SLC22A14: variants seen among roughly 807,000 people sequenced by gnomAD.
The protein encoded by SLC22A14 is solute carrier family 22 member 14, also known as organic cation transporter-like 4.
A neutral mutation model predicts 53.9 loss-of-function variants in SLC22A14; 50 were observed. The observed-to-expected ratio is 0.93, with a 90% CI of 0.74 to 1.17. SLC22A14 has a LOEUF of 1.17. Among genes scored for constraint, SLC22A14 ranks in the 50% most tolerant of loss-of-function variants. SLC22A14 has a pLI of 0.00. For synonymous variants in SLC22A14, 312 were observed against 303.0 expected (o/e 1.03, Z -0.31); for missense variants, 671 against 734.7 (o/e 0.91, Z 1.00).
At chr3:38,298,759 T>G (rs1271388399) in intron 1 of SLC22A14, among the ~76,000 whole-genome samples, 1 of 152,204 alleles carries the variant, frequency 6.6e-6, no homozygotes, top group Admixed American at 6.5e-5. Context: ...TTTCAACATG[T>G]TGGCCAGGCT....
chr3:38,304,442 C>T (rs1021508098), intron 1 of SLC22A14, among the ~76,000 whole-genome samples: 11 of 152,022 alleles, frequency 7.2e-5, no homozygotes, highest in Non-Finnish European at 1.2e-4. Flanking sequence ...GGCTGGAGTG[C>T]GGTGGCGTGA....
Position 38,313,380 on chromosome 3 carries a change from T to G in SLC22A14, c.1066-8T>G. 1 of 1,609,056 alleles carries G rather than the reference T, an allele frequency of 6.2e-7. No individual in the cohort carries two copies. The highest frequency in any genetic ancestry group is 8.5e-7 in the Non-Finnish European group (1 of 1,175,710). ...CCCTGCCTCTGACTGGTCCTGCTTG[T>G]TCTGTAGCTGCAGCTGCCCAGAAAG... is the stretch of plus-strand genomic sequence containing the variant. On this transcript the variant is annotated splice_region_variant and splice_polypyrimidine_tract_variant and intron_variant, in intron 6 of 10. Transcript: ENST00000448498.
intron 5 of SLC22A14, among the ~76,000 whole-genome samples, chr3:38,310,290 A>G (rs1704432234): frequency 6.6e-6 from 1 of 152,140 alleles, no homozygotes; most frequent in Admixed American, 6.5e-5. Context: ...AGGTGGGAGG[A>G]TCACTTGAGC....
upstream of SLC22A14, among the ~76,000 whole-genome samples, chr3:38,280,321 T>G (rs1703640767): frequency 6.6e-6 from 1 of 152,182 alleles, no homozygotes; most frequent in African/African-American, 2.4e-5. Context: ...AGCTTTTCTT[T>G]TCTCAAAAAC....
intron 5 of SLC22A14, among the ~76,000 whole-genome samples, chr3:38,310,665 T>C (rs1704444036): frequency 6.6e-6 from 1 of 152,200 alleles, no homozygotes; most frequent in Non-Finnish European, 1.5e-5. Flanking sequence ...GTGGGTCTTC[T>C]GAGCATTGGA....
Position 38,307,791 on chromosome 3 carries a change from GA to G in SLC22A14, c.775+72del. On this transcript the variant is annotated intron_variant, in intron 4 of 10. Coordinates refer to ENST00000448498, the MANE Select transcript of SLC22A14 (RefSeq NM_001320033.2). This position sits in a 1 kb window ranked among gnomAD's most constrained non-coding sequence, Gnocchi z 4.4. ...TGGCGGCATAGGCGGGTGACAAGGG[GA>G]CATAGTGGCAGGGGGCGTGGCGGCA... 1 of 1,554,436 alleles carries G rather than the reference GA, an allele frequency of 6.4e-7. No homozygotes were observed. The highest frequency in any genetic ancestry group is 8.8e-7 in the Non-Finnish European group (1 of 1,134,946).
chr3:38,289,426 A>AG (rs1407600910), intron 1 of SLC22A14, among the ~76,000 whole-genome samples: 1 of 152,070 alleles, frequency 6.6e-6, no homozygotes, highest in African/African-American at 2.4e-5. Context: ...GTTGTTACCC[A>AG]GGGGGTCCTT....
intron 1 of SLC22A14, among the ~76,000 whole-genome samples, chr3:38,286,236 G>C (rs917475551): frequency 6.6e-6 from 1 of 152,048 alleles, no homozygotes; most frequent in Non-Finnish European, 1.5e-5. Context: ...GAGCAAAACT[G>C]TCTCAAAAAA....
At chr3:38,310,195 T>C (rs992785380) in intron 5 of SLC22A14, among the ~76,000 whole-genome samples, 6 of 151,738 alleles carry the variant, frequency 4.0e-5, no homozygotes, top group African/African-American at 9.7e-5. Flanking sequence ...CTGGGCAACA[T>C]CGCAAGACCC....
At chr3:38,301,417 A>T (rs1255986870) in intron 1 of SLC22A14, among the ~76,000 whole-genome samples, 2 of 152,252 alleles carry the variant, frequency 1.3e-5, no homozygotes, top group Non-Finnish European at 2.9e-5. Flanking sequence ...TTAGCATTTC[A>T]GCAAATTTTG....
upstream of SLC22A14, chr3:38,282,225 C>T (rs188597121): frequency 1.3e-5 from 2 of 152,496 alleles, no homozygotes; most frequent in East Asian, 1.9e-4. Context: ...TGACCCTCAC[C>T]ATTCCCAGCT....
chr3:38,314,124 T>C (rs696254), intron 8 of SLC22A14, among the ~76,000 whole-genome samples, 183 bp downstream of exon 8: 149,575 of 152,106 alleles, frequency 0.98, 73,591 homozygotes, highest in East Asian at 1. Context: ...TCTTCCTGGG[T>C]GGGGTCCCCC....
intron 5 of SLC22A14, among the ~76,000 whole-genome samples, chr3:38,312,045 G>A (rs149047125): frequency 1.2e-4 from 19 of 152,324 alleles, no homozygotes; most frequent in Non-Finnish European, 1.6e-4. Context: ...GAGAGAGGAG[G>A]AGCAGGGCAG....
chr3:38,315,299 G>C (rs184811331), intron 8 of SLC22A14, among the ~76,000 whole-genome samples: 5 of 152,384 alleles, frequency 3.3e-5, no homozygotes, highest in Admixed American at 3.3e-4. Flanking sequence ...GGCAGAGAAG[G>C]GGGTGTTGGG....
intron 1 of SLC22A14, among the ~76,000 whole-genome samples, chr3:38,293,032 C>A (rs1254317401): frequency 1.3e-5 from 2 of 152,088 alleles, no homozygotes; most frequent in Non-Finnish European, 2.9e-5. Context: ...CCTCCTGGCC[C>A]TCAATGGTCA....
In SLC22A14 at chr3:38,313,048, G is replaced by A. The variant is rs376510075; in HGVS notation, c.994G>A (p.Glu332Lys). Residue 332 changes from glutamate to lysine, a missense_variant, in exon 6 of 11, where the codon GAG becomes AAG. Coordinates refer to ENST00000448498, the MANE Select transcript of SLC22A14 (RefSeq NM_001320033.2). ...GCTGATGATGAAAGGGAAGGTGAAG[G>A]AGGCCAAGCAGGTGCTGTGCTACGC... ...RWLMMKGKVKEAKQVLCYAAS... is the reference protein window; with the variant it reads ...RWLMMKGKVKKAKQVLCYAAS... The A allele has an allele frequency of 4.4e-6, 7 of 1,597,070 alleles. No homozygotes were observed. Among genetic ancestry groups the A allele is most frequent in the South Asian group, 1.1e-5 (1 of 87,808 alleles).
chr3:38,315,584 C>G lies in SLC22A14; in HGVS notation c.1405C>G (p.Pro469Ala). Residue 469 changes from proline (P) to alanine (A), a missense_variant, in exon 9 of 11, where the codon CCA becomes GCA. Coordinates refer to ENST00000448498, the MANE Select transcript of SLC22A14 (RefSeq NM_001320033.2). ...EGEDGLRLKW[P>A]RCPATELKSM... The stretch of plus-strand genomic sequence containing the variant: ...GGAGGATGGCCTCAGACTCAAGTGG[C>G]CACGTTGTCCGGCCACAGAGCTGAA... The G allele has an allele frequency of 6.2e-7, 1 of 1,613,994 alleles. No individual in the cohort carries two copies. Among genetic ancestry groups the G allele is most frequent in the Non-Finnish European group, 8.5e-7 (1 of 1,179,978 alleles).
rs754004503 is a variant in SLC22A14, at chr3:38,306,009, C to T, written c.1-18C>T. On this transcript the variant is annotated intron_variant, in intron 1 of 10. Transcript: ENST00000448498. ...AGTGGTGTCAGCAGAGACTGAGCTG[C>T]ACCCTTTCTTTGGACAGATGGCAGG... is the stretch of plus-strand genomic sequence containing the variant. The T allele has an allele frequency of 1.3e-6, 2 of 1,595,774 alleles. No homozygotes were observed. Among genetic ancestry groups the T allele is most frequent in the Non-Finnish European group, 1.7e-6 (2 of 1,170,082 alleles).
rs373448797 is a variant in SLC22A14, at chr3:38,315,696, T to C, written c.1517T>C (p.Leu506Pro). 5.0e-6 allele frequency: 8 copies of C among 1,613,512 alleles called. No homozygotes were observed. In the African/African-American group the frequency reaches 1.1e-4, roughly 22 times the overall value. Residue 506 changes from leucine (L) to proline (P), a missense_variant, in exon 9 of 11, where the codon CTC (leucine) becomes CCC (proline). By Grantham distance (98) the Leu-to-Pro change is moderately conservative. Coordinates refer to ENST00000448498, the MANE Select transcript of SLC22A14 (RefSeq NM_001320033.2). Reference sequence around the variant, plus strand: ...TTCTTCCTCTACACCGCTGAGCTCCTCCCCACTGTGCTCAGGTATGGGGTC... The same window carrying C: ...TTCTTCCTCTACACCGCTGAGCTCCCCCCCACTGTGCTCAGGTATGGGGTC... ...TVFFLYTAELLPTVLRATGLG... is the reference protein window; with the variant it reads ...TVFFLYTAELPPTVLRATGLG...
Sources: allele counts gnomAD v4.1 joint callset (sites outside exome capture counted in the v4.1 genomes callset), GRCh38; gene constraint gnomAD v4.1.1; non-coding constraint Gnocchi (gnomAD v3.1); transcripts MANE v1.5; gene names NCBI Gene and HGNC (gene_info 2026-07-23, HGNC 2026-07-21).